SNX29: variants seen among roughly 807,000 people sequenced by gnomAD.
The protein encoded by SNX29 is sorting nexin 29.
A neutral mutation model predicts 102.1 loss-of-function variants in SNX29; 78 were observed. The observed-to-expected ratio is 0.76, with a 90% CI of 0.64 to 0.92. The LOEUF is 0.92. Among genes scored for constraint, SNX29 ranks in the 40% least tolerant of loss-of-function variants. SNX29 has a pLI of 0.00. For missense variants in SNX29, 1,280 were observed against 1,061.7 expected, an observed-to-expected ratio of 1.21 and a Z score of -2.86; for synonymous variants, 580 against 414.5, an observed-to-expected ratio of 1.40 and a Z score of -4.85.
At chr16:12,222,050 A>G (rs1687323628) in intron 14 of SNX29, among the ~76,000 whole-genome samples, 1 of 152,216 alleles carries the variant, frequency 6.6e-6, no homozygotes, top group South Asian at 2.1e-4. Flanking sequence ...AAGTAGTGCT[A>G]ACTCCATGCC....
At chr16:12,175,201 G>C (rs1330301226) in intron 13 of SNX29, among the ~76,000 whole-genome samples, 4 of 152,154 alleles carry the variant, frequency 2.6e-5, no homozygotes, top group African/African-American at 9.7e-5. Context: ...AGGCAAATTT[G>C]GCCCCTGGCC....
chr16:12,510,700 C>T (rs2089577697), intron 19 of SNX29, among the ~76,000 whole-genome samples: 1 of 151,184 alleles, frequency 6.6e-6, no homozygotes, highest in African/African-American at 2.4e-5. Context: ...ACAAAACAAG[C>T]ATGAACTAGC....
intron 20 of SNX29, among the ~76,000 whole-genome samples, chr16:12,549,973 A>C (rs1441801099): frequency 6.6e-6 from 1 of 152,252 alleles, no homozygotes; most frequent in Non-Finnish European, 1.5e-5. Flanking sequence ...ATGCCCAGTC[A>C]TTCACACTTC....
intron 20 of SNX29, chr16:12,545,346 A>C (rs558742165): frequency 6.6e-6 from 1 of 152,180 alleles, no homozygotes; most frequent in African/African-American, 2.4e-5. Context: ...ACATAGTTCC[A>C]AGTACATACA....
At chr16:12,043,114 C>A in intron 5 of SNX29, 37 bp downstream of exon 5, 4 of 1,607,694 alleles carry the variant, frequency 2.5e-6, no homozygotes, top group Non-Finnish European at 3.4e-6. Flanking sequence ...TGGGATGGAG[C>A]AAGAGGTGAA....
At chr16:11,980,256 C>T (rs2055385183) in intron 1 of SNX29, among the ~76,000 whole-genome samples, 2 of 152,118 alleles carry the variant, frequency 1.3e-5, no homozygotes, top group African/African-American at 2.4e-5. Flanking sequence ...TAAATGAAAT[C>T]ATACAGTATG....
chr16:12,174,894 G>A (rs2076225748), intron 13 of SNX29, among the ~76,000 whole-genome samples: 1 of 151,722 alleles, frequency 6.6e-6, no homozygotes, highest in African/African-American at 2.4e-5. Flanking sequence ...TTAGGGGGAA[G>A]AAAGTGGTCC....
At chr16:12,346,618 C>T (rs1367165994) in intron 15 of SNX29, among the ~76,000 whole-genome samples, 1 of 152,228 alleles carries the variant, frequency 6.6e-6, no homozygotes, top group Non-Finnish European at 1.5e-5. Context: ...AAGACCCTCA[C>T]AGCTGCATGA....
chr16:12,517,503 C>T (rs897440692), intron 19 of SNX29, among the ~76,000 whole-genome samples: 4 of 152,240 alleles, frequency 2.6e-5, no homozygotes, highest in African/African-American at 4.8e-5. Flanking sequence ...TTTGTTCTCT[C>T]TCTCTGGACT....
At chr16:12,017,537 C>T (rs1006832304) in intron 3 of SNX29, among the ~76,000 whole-genome samples, 8 of 152,198 alleles carry the variant, frequency 5.3e-5, no homozygotes, top group Non-Finnish European at 1.2e-4. Flanking sequence ...GCCATGTAGA[C>T]ATTTACAAAT....
intron 20 of SNX29, among the ~76,000 whole-genome samples, chr16:12,567,268 C>A (rs181428035): frequency 3.3e-4 from 51 of 152,294 alleles, no homozygotes; most frequent in Admixed American, 5.9e-4. Flanking sequence ...CTTGTAGGGT[C>A]CAGTGGATCC....
At chr16:12,552,569 G>A (rs1239218724) in intron 20 of SNX29, among the ~76,000 whole-genome samples, 2 of 151,986 alleles carry the variant, frequency 1.3e-5, no homozygotes, top group Non-Finnish European at 2.9e-5. Flanking sequence ...GGCCAGCCAA[G>A]TTGCTGCCCT....
chr16:12,137,288 G>A (rs2054699023), intron 13 of SNX29, among the ~76,000 whole-genome samples: 1 of 152,210 alleles, frequency 6.6e-6, no homozygotes, highest in African/African-American at 2.4e-5. Context: ...GCTGTAGGTG[G>A]CTGGGGATGC....
chr16:12,150,864 C>G (rs189324684), intron 13 of SNX29, among the ~76,000 whole-genome samples: 159 of 152,258 alleles, frequency 1.0e-3, no homozygotes, highest in South Asian at 2.1e-4. Context: ...GGTCATTTAA[C>G]AGACAGAAGC....
At chr16:12,259,117 A>ATTAAGAT (rs1198434790) in intron 14 of SNX29, among the ~76,000 whole-genome samples, 1 of 151,970 alleles carries the variant, frequency 6.6e-6, no homozygotes, top group Non-Finnish European at 1.5e-5. Context: ...CCTAGACATA[A>ATTAAGAT]TTAAGATTTT....
rs140959309 is a variant in SNX29 at position 12,144,288 on chromosome 16, C to G, written c.1595+14530C>G. Among the ~76,000 whole-genome samples, 839 of 152,298 alleles carry G rather than the reference C, an allele frequency of 5.5e-3. 10 individuals are homozygous for G. The highest frequency in any genetic ancestry group is 0.019 in the African/African-American group (796 of 41,562). ...GAAAAATATAAAGAATAGTATGACC[C>G]ACTGCAACAATTAGCACTACTAACA... On this transcript the variant is annotated intron_variant, in intron 13 of 20. Transcript: ENST00000566228.
At chr16:12,543,982 G>C (rs368101134) in intron 20 of SNX29, among the ~76,000 whole-genome samples, 8 of 152,228 alleles carry the variant, frequency 5.3e-5, no homozygotes, top group Non-Finnish European at 7.3e-5. Context: ...TCTCAGCCAA[G>C]GTCACACCAT....
At position 12,351,530 on chromosome 16, in the gene SNX29, T is replaced by A. The variant is rs141892378; in HGVS notation, c.1783-4633T>A. On this transcript the variant is annotated intron_variant, in intron 15 of 20. Coordinates refer to ENST00000566228, the MANE Select transcript of SNX29 (RefSeq NM_032167.5). ...GAGGGTGAAGCATGATTTACTTGAA[T>A]GTGATTAGATGGAGGGAACATTCTG... 8.5e-4 allele frequency among the ~76,000 whole-genome samples: 129 copies of A among 152,302 alleles called. 1 individual carries two copies. Among genetic ancestry groups the A allele is most frequent in the African/African-American group, 3.0e-3 (123 of 41,560 alleles).
At chr16:12,365,358 G>GTGTATGTA (rs1555520377) in intron 16 of SNX29, among the ~76,000 whole-genome samples, 1 of 150,362 alleles carries the variant, frequency 6.7e-6, no homozygotes, top group African/African-American at 2.5e-5. Context: ...GTGTGTGTGT[G>GTGTATGTA]TGTGTGTTTA....
Sources: allele counts gnomAD v4.1 joint callset (sites outside exome capture counted in the v4.1 genomes callset), GRCh38; gene constraint gnomAD v4.1.1; transcripts MANE v1.5; gene names NCBI Gene and HGNC (gene_info 2026-07-23, HGNC 2026-07-21).